Variants in ADARB2 observed in about 807,000 individuals in gnomAD.
ADARB2 encodes the protein adenosine deaminase RNA specific B2 (inactive), also known as inactive double-stranded RNA-specific editase B2.
In ADARB2, 25 loss-of-function variants were observed where a neutral mutation model predicts 62.2. The ratio of observed to expected loss-of-function variants is 0.40; its 90% CI spans 0.29 to 0.56. The LOEUF is 0.56. Among genes scored for constraint, ADARB2 ranks in the 20% least tolerant of loss-of-function variants. The pLI, the probability that ADARB2 is intolerant of heterozygous loss-of-function variation, is 0.43. For synonymous variants in ADARB2, 572 were observed against 500.8 expected (o/e 1.14, Z -1.90); for missense variants, 1,071 against 1,077.4 (o/e 0.99, Z 0.08).
At chr10:1,209,385 TCACCCA>T (rs1043352600) in intron 7 of ADARB2, among the ~76,000 whole-genome samples, 29 of 87,914 alleles carry the variant, frequency 3.3e-4, no homozygotes, top group Admixed American at 1.6e-3. Flanking sequence ...ACCTACAGCC[TCACCCA>T]CACCCACACT....
At chr10:1,468,710 C>T (rs910341751) in intron 1 of ADARB2, among the ~76,000 whole-genome samples, 8 of 152,208 alleles carry the variant, frequency 5.3e-5, no homozygotes, top group Non-Finnish European at 5.9e-5. Flanking sequence ...CAAGTGGTGC[C>T]TTCCTTCTTC....
At chr10:1,500,025 A>G (rs549170661) in intron 1 of ADARB2, among the ~76,000 whole-genome samples, 2 of 152,380 alleles carry the variant, frequency 1.3e-5, no homozygotes, top group East Asian at 3.9e-4. Context: ...CACAGGTTGC[A>G]TATGAACTGC....
At chr10:1,514,187 ATAT>A in intron 1 of ADARB2, among the ~76,000 whole-genome samples, 1 of 133,036 alleles carries the variant, frequency 7.5e-6, no homozygotes, top group Admixed American at 8.1e-5. Context: ...AAATATATAT[ATAT>A]ATATATGTAT....
chr10:1,441,913 T>G (rs975861000), intron 1 of ADARB2, among the ~76,000 whole-genome samples: 13 of 152,232 alleles, frequency 8.5e-5, no homozygotes, highest in African/African-American at 3.1e-4. Context: ...GATTTTATAT[T>G]ACAAGTCAAT....
chr10:1,532,605 A>C (rs1228969879), intron 1 of ADARB2, among the ~76,000 whole-genome samples: 1 of 152,058 alleles, frequency 6.6e-6, no homozygotes, highest in Non-Finnish European at 1.5e-5. Context: ...GCCCCAGTGC[A>C]TGTTATGGGC....
intron 1 of ADARB2, among the ~76,000 whole-genome samples, chr10:1,433,967 G>T (rs901078779): frequency 6.6e-6 from 1 of 152,144 alleles, no homozygotes; most frequent in Non-Finnish European, 1.5e-5. Flanking sequence ...TGCAATTATG[G>T]TATCATTTGA....
At chr10:1,270,460 A>G (rs1234352138) in intron 4 of ADARB2, among the ~76,000 whole-genome samples, 7 of 152,210 alleles carry the variant, frequency 4.6e-5, no homozygotes, top group Non-Finnish European at 7.3e-5. Context: ...TTGTTTCCAC[A>G]GGGCCGATTG....
intron 1 of ADARB2, among the ~76,000 whole-genome samples, chr10:1,499,370 CACTT>C (rs1831734707): frequency 6.6e-6 from 1 of 152,092 alleles, no homozygotes. Context: ...ACTCATCACT[CACTT>C]ATTACTTACC....
At chr10:1,304,551 C>A (rs1199520055) in intron 3 of ADARB2, among the ~76,000 whole-genome samples, 3 of 152,206 alleles carry the variant, frequency 2.0e-5, no homozygotes, top group Non-Finnish European at 4.4e-5. Flanking sequence ...GAACTCTCCA[C>A]CCCAAATCAA....
At chr10:1,653,238 C>T (rs1207660104) in intron 1 of ADARB2, among the ~76,000 whole-genome samples, 2 of 152,204 alleles carry the variant, frequency 1.3e-5, no homozygotes, top group Non-Finnish European at 2.9e-5. Context: ...GACTGGTGCC[C>T]AGGCGCTGGC....
At chr10:1,501,287 C>G (rs375522891) in intron 1 of ADARB2, among the ~76,000 whole-genome samples, 1 of 152,254 alleles carries the variant, frequency 6.6e-6, no homozygotes. Flanking sequence ...TTTTGAGTCT[C>G]CTGGAATTGT....
chr10:1,453,012 C>T (rs552820371), intron 1 of ADARB2, among the ~76,000 whole-genome samples: 12 of 152,292 alleles, frequency 7.9e-5, no homozygotes, highest in African/African-American at 2.2e-4. Context: ...ATTTCCAGCA[C>T]GTCCCAGGTG....
intron 1 of ADARB2, among the ~76,000 whole-genome samples, chr10:1,681,213 C>T (rs1365074860): frequency 6.6e-6 from 1 of 152,178 alleles, no homozygotes; most frequent in Non-Finnish European, 1.5e-5. Flanking sequence ...TTATTTTGCT[C>T]AGGGAGAAAA....
intron 1 of ADARB2, among the ~76,000 whole-genome samples, chr10:1,688,001 T>C (rs1379224555): frequency 6.6e-6 from 1 of 152,230 alleles, no homozygotes; most frequent in Non-Finnish European, 1.5e-5. Context: ...GCACTTTGCT[T>C]ATAATATCAT....
At chr10:1,419,743 A>T (rs1294246261) in intron 1 of ADARB2, among the ~76,000 whole-genome samples, 1 of 152,264 alleles carries the variant, frequency 6.6e-6, no homozygotes, top group East Asian at 1.9e-4. Flanking sequence ...TGGAAATGAT[A>T]GTTTTCCTCC....
intron 1 of ADARB2, among the ~76,000 whole-genome samples, chr10:1,655,384 G>C (rs1046316971): frequency 6.6e-6 from 1 of 152,186 alleles, no homozygotes; most frequent in Non-Finnish European, 1.5e-5. Context: ...AAACCACCAG[G>C]TTCCCACATT....
At chr10:1,606,685 G>A (rs868513474) in intron 1 of ADARB2, among the ~76,000 whole-genome samples, 4 of 152,138 alleles carry the variant, frequency 2.6e-5, no homozygotes, top group African/African-American at 9.7e-5. Flanking sequence ...GGTAGTAGAA[G>A]GGACTCTATG....
chr10:1,662,838 G>C (rs1834267337), intron 1 of ADARB2, among the ~76,000 whole-genome samples: 1 of 152,174 alleles, frequency 6.6e-6, no homozygotes, highest in African/African-American at 2.4e-5. Flanking sequence ...GCCCCTCTAG[G>C]GGAAGAAGCA....
intron 3 of ADARB2, among the ~76,000 whole-genome samples, chr10:1,312,847 C>T (rs970127502): frequency 4.6e-5 from 7 of 152,158 alleles, no homozygotes; most frequent in Non-Finnish European, 1.0e-4. Flanking sequence ...CCCCTCTGCC[C>T]ATGAGGCTGG....
Sources: allele counts gnomAD v4.1 joint callset (sites outside exome capture counted in the v4.1 genomes callset), GRCh38; gene constraint gnomAD v4.1.1; transcripts MANE v1.5; gene names NCBI Gene and HGNC (gene_info 2026-07-23, HGNC 2026-07-21).